NTPCR: variants seen among roughly 807,000 people sequenced by gnomAD.
The protein encoded by NTPCR is nucleoside-triphosphatase, cancer-related.
NTPCR carries 15 observed loss-of-function variants against 19.5 expected under a neutral mutation model. That is an observed-to-expected ratio of 0.77 (90% CI 0.51 to 1.18). NTPCR has a LOEUF of 1.18. Among genes scored for constraint, NTPCR ranks in the 50% most tolerant of loss-of-function variants. The probability of loss-of-function intolerance (pLI) is 0.00; values close to 1 mark genes in which losing one functional copy is unlikely to be tolerated. For synonymous variants in NTPCR, 90 were observed against 95.8 expected (o/e 0.94, Z 0.36); for missense variants, 206 against 240.4 (o/e 0.86, Z 0.95).
At chr1:232,956,243 G>C in intron 2 of NTPCR, 104 bp from the exon 3 acceptor site, 1 of 773,966 alleles carries the variant, frequency 1.3e-6, no homozygotes, top group Non-Finnish European at 2.2e-6. Context: ...CATTTTTAAG[G>C]ATGATTTAGC....
In NTPCR at chr1:232,980,044, T is replaced by G. The variant is rs951159579; in HGVS notation, c.*1813T>G. ...CCAAGGGCCATGTTCCTTCTGGTGC[T>G]TGTCCTTTTGAGCTTGGTGTTTCAG... On this transcript the variant is annotated 3_prime_UTR_variant, in exon 5 of 5. Coordinates refer to ENST00000366628, the MANE Select transcript of NTPCR (RefSeq NM_032324.3). 3.3e-5 allele frequency: 5 copies of G among 152,256 alleles called. No homozygotes were observed. The highest frequency in any genetic ancestry group is 1.2e-4 in the African/African-American group (5 of 41,464). The allele number at this position is 152,256 out of a possible 1,614,324, so 9.4% of individuals were successfully genotyped here.
intron 3 of NTPCR, among the ~76,000 whole-genome samples, chr1:232,959,190 G>T (rs1163167996): frequency 6.6e-6 from 1 of 152,106 alleles, no homozygotes; most frequent in Admixed American, 6.5e-5. Flanking sequence ...CATGGGGGTG[G>T]TTTCCCCCAT....
intron 4 of NTPCR, among the ~76,000 whole-genome samples, chr1:232,976,091 A>T (rs1669114383): frequency 6.6e-6 from 1 of 152,242 alleles, no homozygotes; most frequent in South Asian, 2.1e-4. Context: ...CAAAGGGAGT[A>T]TCAAAATATT....
intron 3 of NTPCR, chr1:232,967,794 T>G (rs1424639580): frequency 6.6e-6 from 1 of 152,188 alleles, no homozygotes; most frequent in African/African-American, 2.4e-5. Context: ...GATGACAGCC[T>G]CCAGAGGAAT....
At chr1:232,971,499 C>T (rs932161388) in intron 4 of NTPCR, among the ~76,000 whole-genome samples, 3 of 152,044 alleles carry the variant, frequency 2.0e-5, no homozygotes, top group African/African-American at 7.2e-5. Flanking sequence ...TTAGACCAGC[C>T]AGACTTGGAA....
At chr1:232,973,944 G>C (rs1338540439) in intron 4 of NTPCR, among the ~76,000 whole-genome samples, 1 of 152,338 alleles carries the variant, frequency 6.6e-6, no homozygotes, top group East Asian at 1.9e-4. Flanking sequence ...TATAACAAAA[G>C]ATGTGACATT....
chr1:232,978,452 C>A lies in NTPCR; in HGVS notation c.*221C>A. The A allele has an allele frequency of 2.2e-6, 1 of 454,402 alleles. No individual in the cohort carries two copies. Among genetic ancestry groups the A allele is most frequent in the Non-Finnish European group, 3.9e-6 (1 of 253,994 alleles). 28.1% of individuals were successfully genotyped at this position (454,402 alleles called of 1,614,324 possible). On this transcript the variant is annotated 3_prime_UTR_variant, in exon 5 of 5. Transcript: ENST00000366628. ...AACTATCCATTGTGGCTTATCTATG[C>A]TTAAAGATTTCTTGTTTATTTCCTC... is the stretch of plus-strand genomic sequence containing the variant.
intron 3 of NTPCR, chr1:232,967,401 T>C (rs1431494759): frequency 6.6e-6 from 1 of 152,240 alleles, no homozygotes; most frequent in East Asian, 1.9e-4. Flanking sequence ...CTGAAGTTCT[T>C]GGATTATAAA....
intron 4 of NTPCR, among the ~76,000 whole-genome samples, chr1:232,974,198 T>C (rs1447364939): frequency 6.6e-6 from 1 of 152,194 alleles, no homozygotes; most frequent in African/African-American, 2.4e-5. Flanking sequence ...TGACAGCAGA[T>C]TTCTCAGGAG....
chr1:232,960,296 A>G lies in NTPCR; in HGVS notation c.294+3853A>G, dbSNP rs1414405169. Among the ~76,000 whole-genome samples the G allele has an allele frequency of 4.8e-5, 7 of 145,504 alleles. No homozygotes were observed. In the East Asian group the frequency reaches 1.5e-3, roughly 31 times the overall value. On this transcript the variant is annotated intron_variant, in intron 3 of 4. Transcript: ENST00000366628. ...GGCTCAGGAGGGCCAGGCACAACCC[A>G]GGTTCACCTTGCAAAACTGCTCTGG...
chr1:232,973,227 T>C (rs1040962777), intron 4 of NTPCR, among the ~76,000 whole-genome samples: 2 of 152,166 alleles, frequency 1.3e-5, no homozygotes, highest in East Asian at 1.9e-4. Flanking sequence ...CCAATGAATA[T>C]GCATAGTGTG....
In NTPCR at chr1:232,956,333, G is replaced by T; in HGVS notation, c.198-14G>T. 6.3e-7 allele frequency: 1 copy of T among 1,597,626 alleles called. No individual in the cohort carries two copies. Among genetic ancestry groups the T allele is most frequent in the Non-Finnish European group, 8.6e-7 (1 of 1,165,192 alleles). On this transcript the variant is annotated splice_polypyrimidine_tract_variant and intron_variant, in intron 2 of 4. Transcript: ENST00000366628. ...GGAGTTTTTCAACAAAGAACATAAT[G>T]TCTTTTCCTTCAGGTTAGAGCCTCC...
In NTPCR at chr1:232,955,626, G is replaced by T; in HGVS notation, c.104G>T (p.Gly35Val). 3 of 1,613,140 alleles carry T rather than the reference G, an allele frequency of 1.9e-6. No homozygotes were observed. The highest frequency in any genetic ancestry group is 2.5e-6 in the Non-Finnish European group (3 of 1,179,854). Residue 35 changes from glycine to valine, a missense_variant, in exon 2 of 5, where the codon GGA becomes GTA. Physicochemically the swap from Gly to Val is moderately radical, Grantham distance 109. Transcript: ENST00000366628. ...AAATCCTCTGGTGTGCCTGTTGATG[G>T]ATTTTATACCGAAGAAGTCAGACAG... The part of the protein sequence containing the change: ...VLKSSGVPVD[G>V]FYTEEVRQGG...
At chr1:232,951,834 G>C (rs963804302) in intron 1 of NTPCR, among the ~76,000 whole-genome samples, 1 of 152,166 alleles carries the variant, frequency 6.6e-6, no homozygotes, top group Non-Finnish European at 1.5e-5. Flanking sequence ...TCACTCCTAA[G>C]TATTGCAAAG....
At chr1:232,976,484 C>T (rs1232588512) in intron 4 of NTPCR, 5 of 1,545,918 alleles carry the variant, frequency 3.2e-6, no homozygotes, top group Non-Finnish European at 4.4e-6. Context: ...GTGGTGCCCA[C>T]CTCTGTGTCG....
intron 1 of NTPCR, chr1:232,951,037 A>C (rs1668351204): frequency 2.4e-6 from 1 of 410,934 alleles, no homozygotes; most frequent in Non-Finnish European, 4.3e-6. Flanking sequence ...CTCCTACTGT[A>C]GTGTTGACGT....
At position 232,955,643 on chromosome 1, in the gene NTPCR, G is replaced by T; in HGVS notation, c.121G>T (p.Val41Phe). The stretch of plus-strand genomic sequence containing the variant: ...TGTTGATGGATTTTATACCGAAGAA[G>T]TCAGACAGGGAGGGAGAAGAATAGG... Reference protein sequence around the residue: ...VPVDGFYTEEVRQGGRRIGFD... With the variant: ...VPVDGFYTEEFRQGGRRIGFD... The change falls in exon 2 of 5, where the codon GTC (valine) becomes TTC (phenylalanine). Residue 41 changes from valine (V) to phenylalanine (F), a missense_variant. Transcript: ENST00000366628. 6.2e-7 allele frequency: 1 copy of T among 1,613,126 alleles called. No homozygotes were observed. The highest frequency in any genetic ancestry group is 8.5e-7 in the Non-Finnish European group (1 of 1,179,872).
intron 1 of NTPCR, among the ~76,000 whole-genome samples, chr1:232,951,724 T>C (rs781543131): frequency 6.6e-6 from 1 of 152,146 alleles, no homozygotes; most frequent in Non-Finnish European, 1.5e-5. Flanking sequence ...CTACAGCTAA[T>C]ATTGCAGACT....
At chr1:232,962,805 GC>G (rs1048274644) in intron 3 of NTPCR, 4 of 152,188 alleles carry the variant, frequency 2.6e-5, no homozygotes, top group African/African-American at 9.7e-5. Flanking sequence ...GTTTTTGAGA[GC>G]AGGATCTACT....
Sources: allele counts gnomAD v4.1 joint callset (sites outside exome capture counted in the v4.1 genomes callset), GRCh38; gene constraint gnomAD v4.1.1; transcripts MANE v1.5; gene names NCBI Gene and HGNC (gene_info 2026-07-23, HGNC 2026-07-21).